The following FABP9 variants were observed in gnomAD, a reference collection of about 807,000 sequenced individuals.
FABP9 encodes fatty acid-binding protein 9.
In FABP9, 11 loss-of-function variants were observed where a neutral mutation model predicts 14.7. That is an observed-to-expected ratio of 0.75 (90% CI 0.47 to 1.24). The LOEUF (loss-of-function observed/expected upper bound fraction) is 1.24. Ranked by LOEUF, FABP9 falls within the 50% of genes most tolerant of loss-of-function variation. The probability of loss-of-function intolerance (pLI) is 0.00; values close to 1 mark genes in which losing one functional copy is unlikely to be tolerated. For missense variants in FABP9, 171 were observed against 158.2 expected (o/e 1.08, Z -0.44); for synonymous variants, 54 against 50.6 (o/e 1.07, Z -0.29).
At position 81,458,298 on chromosome 8, in the gene FABP9, T is replaced by G; in HGVS notation, c.*85A>C. ...AAGCAAATTTATATTGAGACATTTT[T>G]TAAAAATCACCAGCCCTGAGGCATA... On this transcript the variant is annotated 3_prime_UTR_variant, in exon 4 of 4. Coordinates refer to ENST00000379071, the MANE Select transcript of FABP9 (RefSeq NM_001080526.2). 9.7e-7 allele frequency: 1 copy of G among 1,032,038 alleles called. No homozygotes were observed. The highest frequency in any genetic ancestry group is 1.4e-5 in the South Asian group (1 of 73,044). The allele number at this position is 1,032,038 out of a possible 1,614,324, so 63.9% of individuals were successfully genotyped here.
Position 81,460,124 on chromosome 8 carries a change from C to T in FABP9, c.74-787G>A, listed in dbSNP as rs56204146. Among the ~76,000 whole-genome samples, 569 of 152,232 alleles carry T rather than the reference C, an allele frequency of 3.7e-3. 5 individuals carry two copies. Among genetic ancestry groups the T allele is most frequent in the Non-Finnish European group, 7.1e-3 (485 of 68,000 alleles). Reference sequence around the variant, plus strand: ...AAGCGATTCTCCTGCCTCAGCCCCCCGAGTAGCTGGGATTACAGGCACATG... The same window carrying T: ...AAGCGATTCTCCTGCCTCAGCCCCCTGAGTAGCTGGGATTACAGGCACATG... On this transcript the variant is annotated intron_variant, in intron 1 of 3. Transcript: ENST00000379071.
rs755752591 is a variant in FABP9, at chr8:81,461,506, C to G, written c.18G>C (p.Leu6Phe). The change falls in exon 1 of 4, where the codon TTG becomes TTC. Residue 6 changes from leucine to phenylalanine, a missense_variant. Transcript: ENST00000379071. MVEPF[L>F]GTWKLVSSEN... ...CACTGGAGACCAGCTTCCAGGTTCC[C>G]AAGAAGGGCTCAACCATCATGGAAC... is the stretch of plus-strand genomic sequence containing the variant. The G allele has an allele frequency of 6.2e-6, 10 of 1,613,496 alleles. No individual in the cohort carries two copies. In the African/African-American group the frequency reaches 1.3e-4, roughly 22 times the overall value.
chr8:81,459,443 A>G (rs925915113), intron 1 of FABP9, 106 bp from the exon 2 acceptor site: 5 of 1,007,204 alleles, frequency 5.0e-6, no homozygotes, highest in Non-Finnish European at 7.0e-6. Flanking sequence ...AATTTTGGAT[A>G]ATGTATAGTA....
intron 1 of FABP9, among the ~76,000 whole-genome samples, chr8:81,459,982 T>TG (rs1478106602): frequency 6.8e-6 from 1 of 147,650 alleles, no homozygotes; most frequent in Non-Finnish European, 1.5e-5. Context: ...CTCGCAAGTT[T>TG]TTTTTTTGTT....
intron 1 of FABP9, among the ~76,000 whole-genome samples, chr8:81,459,680 C>G (rs563162634): frequency 6.6e-6 from 1 of 152,166 alleles, no homozygotes; most frequent in Non-Finnish European, 1.5e-5. Flanking sequence ...GAGCCTGGCC[C>G]TGTGGTTTGG....
At position 81,458,261 on chromosome 8, in the gene FABP9, G is replaced by T; in HGVS notation, c.*122C>A. 1 of 737,606 alleles carries T rather than the reference G, an allele frequency of 1.4e-6. No individual in the cohort carries two copies. The highest frequency in any genetic ancestry group is 2.3e-6 in the Non-Finnish European group (1 of 427,002). 45.7% of individuals were successfully genotyped at this position (737,606 alleles called of 1,614,324 possible). The stretch of plus-strand genomic sequence containing the variant: ...ATAGCTTCAAAACTGCACTTAATTT[G>T]ATGCTTTTATTAAGCAAATTTATAT... On this transcript the variant is annotated 3_prime_UTR_variant, in exon 4 of 4. Coordinates refer to ENST00000379071, the MANE Select transcript of FABP9 (RefSeq NM_001080526.2).
chr8:81,460,051 G>A (rs1455769044), intron 1 of FABP9, among the ~76,000 whole-genome samples: 1 of 152,034 alleles, frequency 6.6e-6, no homozygotes, highest in African/African-American at 2.4e-5. Flanking sequence ...CCAGGCTGGA[G>A]TGCAGTGGCA....
chr8:81,460,454 C>T (rs1204753896), intron 1 of FABP9, among the ~76,000 whole-genome samples: 2 of 152,214 alleles, frequency 1.3e-5, no homozygotes, highest in East Asian at 1.9e-4. Flanking sequence ...TTTATATACC[C>T]CCCCAATTTT....
At chr8:81,458,767 T>C in intron 2 of FABP9, 64 bp from the exon 3 acceptor site, 1 of 1,056,230 alleles carries the variant, frequency 9.5e-7, no homozygotes, top group Non-Finnish European at 1.4e-6. Flanking sequence ...TGAGACCACA[T>C]ATCTACTTTT....
intron 1 of FABP9, among the ~76,000 whole-genome samples, chr8:81,459,986 T>TG (rs11427570): frequency 0.03 from 4,479 of 151,830 alleles, 151 homozygotes; most frequent in African/African-American, 0.084. Context: ...CAAGTTTTTT[T>TG]TTTGTTTGTT....
At chr8:81,459,983 TTTTTTTG>T (rs1807664067) in intron 1 of FABP9, among the ~76,000 whole-genome samples, 1 of 151,214 alleles carries the variant, frequency 6.6e-6, no homozygotes, top group African/African-American at 2.5e-5. Flanking sequence ...TCGCAAGTTT[TTTTTTTG>T]TTTGTTTGTT....
At chr8:81,458,808 A>G (rs533357060) in intron 2 of FABP9, 105 bp from the exon 3 acceptor site, 1 of 815,868 alleles carries the variant, frequency 1.2e-6, no homozygotes, top group East Asian at 2.6e-5. Context: ...TTTTCTTAAA[A>G]TCCTCACTTT....
At chr8:81,459,986 T>G (rs541043614) in intron 1 of FABP9, among the ~76,000 whole-genome samples, 155 of 151,844 alleles carry the variant, frequency 1.0e-3, no homozygotes, top group South Asian at 8.9e-3. Context: ...CAAGTTTTTT[T>G]TTTGTTTGTT....
At chr8:81,460,236 G>A (rs929674766) in intron 1 of FABP9, among the ~76,000 whole-genome samples, 60 of 152,182 alleles carry the variant, frequency 3.9e-4, no homozygotes, top group African/African-American at 1.1e-3. Flanking sequence ...CTGACCTCAG[G>A]TGATCCACCT....
chr8:81,460,118 G>GC (rs1474724817), intron 1 of FABP9, among the ~76,000 whole-genome samples: 2 of 152,112 alleles, frequency 1.3e-5, no homozygotes, highest in African/African-American at 2.4e-5. Context: ...TCCTGCCTCA[G>GC]CCCCCCGAGT....
chr8:81,459,079 G>A, intron 2 of FABP9, 86 bp downstream of exon 2: 1 of 1,189,508 alleles, frequency 8.4e-7, no homozygotes, highest in Non-Finnish European at 1.2e-6. Flanking sequence ...GACAGACTTG[G>A]TGATAAATCA....
chr8:81,460,451 A>AC (rs141632181), intron 1 of FABP9, among the ~76,000 whole-genome samples: 19,257 of 151,832 alleles, frequency 0.13, 1,431 homozygotes, highest in Non-Finnish European at 0.17. Flanking sequence ...TTTTTTATAT[A>AC]CCCCCCCAAT....
At position 81,458,714 on chromosome 8, in the gene FABP9, A is replaced by T. The variant is rs748393215; in HGVS notation, c.247-11T>A. 1.1e-5 allele frequency: 17 copies of T among 1,592,102 alleles called. No homozygotes were observed. The highest frequency in any genetic ancestry group is 1.5e-5 in the Non-Finnish European group (17 of 1,161,824). ...TAATGTTATGGTGCTCTATAAATGC[A>T]TAAAGAAATCAGAAGTAGCAACTCA... On this transcript the variant is annotated splice_polypyrimidine_tract_variant and intron_variant, in intron 2 of 3. Coordinates refer to ENST00000379071, the MANE Select transcript of FABP9 (RefSeq NM_001080526.2).
chr8:81,458,536 T>C (rs1585802517), intron 3 of FABP9, 66 bp downstream of exon 3: 2 of 1,493,836 alleles, frequency 1.3e-6, no homozygotes, highest in East Asian at 4.5e-5. Context: ...GCAAAAACAA[T>C]TGAATAACTT....
Sources: allele counts gnomAD v4.1 joint callset (sites outside exome capture counted in the v4.1 genomes callset), GRCh38; gene constraint gnomAD v4.1.1; transcripts MANE v1.5; gene names NCBI Gene and HGNC (gene_info 2026-07-23, HGNC 2026-07-21).